CPVL: variants seen among roughly 807,000 people sequenced by gnomAD.
CPVL encodes the protein probable serine carboxypeptidase CPVL.
A neutral mutation model predicts 63.7 loss-of-function variants in CPVL; 51 were observed. The observed-to-expected ratio is 0.80, with a 90% CI of 0.64 to 1.01. The LOEUF (loss-of-function observed/expected upper bound fraction) is 1.01, where lower values mean the gene tolerates loss of function less well. Among genes scored for constraint, CPVL ranks in the 50% least tolerant of loss-of-function variants. CPVL has a pLI of 0.00. For synonymous variants in CPVL, 195 were observed against 206.0 expected, an observed-to-expected ratio of 0.95 and a Z score of 0.46; for missense variants, 530 against 573.1, an observed-to-expected ratio of 0.92 and a Z score of 0.77.
At chr7:29,005,744 A>G (rs929489672) in intron 12 of CPVL, among the ~76,000 whole-genome samples, 3 of 152,154 alleles carry the variant, frequency 2.0e-5, no homozygotes, top group Non-Finnish European at 4.4e-5. Flanking sequence ...AACCCACTTT[A>G]CCACACAGGA....
At chr7:29,082,175 C>T (rs935208839) in intron 7 of CPVL, 5 of 149,386 alleles carry the variant, frequency 3.3e-5, no homozygotes, top group African/African-American at 1.3e-4. Flanking sequence ...GTGGCAGCAG[C>T]GAGAGGGAAA....
intron 1 of CPVL, among the ~76,000 whole-genome samples, chr7:29,142,502 C>T (rs76611793): frequency 0.052 from 7,803 of 150,612 alleles, 257 homozygotes; most frequent in Middle Eastern, 0.11. Context: ...TCTCCTCAAA[C>T]TTCCTCCTTC....
At chr7:29,035,960 T>G (rs1788484965) in intron 11 of CPVL, among the ~76,000 whole-genome samples, 1 of 152,104 alleles carries the variant, frequency 6.6e-6, no homozygotes, top group Non-Finnish European at 1.5e-5. Context: ...GGACACAGAG[T>G]TCATTGATAA....
intron 1 of CPVL, among the ~76,000 whole-genome samples, chr7:29,135,498 A>T (rs944122100): frequency 2.6e-5 from 4 of 151,636 alleles, no homozygotes; most frequent in Non-Finnish European, 4.4e-5. Flanking sequence ...TGCCTAACTA[A>T]TTTTTTTGTA....
intron 12 of CPVL, among the ~76,000 whole-genome samples, chr7:29,018,005 C>T (rs776491308): frequency 3.9e-5 from 6 of 152,072 alleles, no homozygotes; most frequent in Non-Finnish European, 5.9e-5. Flanking sequence ...ACAACCTAGC[C>T]GAGATAATCC....
At chr7:29,119,208 C>G (rs1160199662) in intron 2 of CPVL, among the ~76,000 whole-genome samples, 2 of 152,146 alleles carry the variant, frequency 1.3e-5, no homozygotes, top group African/African-American at 4.8e-5. Flanking sequence ...GATACAGGGC[C>G]GGGGGCAGTG....
At position 29,121,911 on chromosome 7, in the gene CPVL, T is replaced by C. The variant is rs1314433880; in HGVS notation, c.-10-840A>G. Among the ~76,000 whole-genome samples, 5 of 152,186 alleles carry C rather than the reference T, an allele frequency of 3.3e-5. No homozygotes were observed. The East Asian group carries it at 9.6e-4, about 29-fold the overall frequency. ...AACTACCCTTAGGTTCCTCCCCTTA[T>C]TGCTAGCTGATAAGTAAATTAAAGA... is the stretch of plus-strand genomic sequence containing the variant. On this transcript the variant is annotated intron_variant, in intron 1 of 12. Transcript: ENST00000265394.
intron 3 of CPVL, among the ~76,000 whole-genome samples, chr7:29,099,017 A>G (rs1562768755): frequency 6.6e-6 from 1 of 152,156 alleles, no homozygotes; most frequent in Non-Finnish European, 1.5e-5. Context: ...GTGAGCCAAG[A>G]TTGCGCCATT....
At chr7:29,099,509 C>G (rs950037403) in intron 3 of CPVL, among the ~76,000 whole-genome samples, 2 of 152,070 alleles carry the variant, frequency 1.3e-5, no homozygotes, top group African/African-American at 2.4e-5. Context: ...GTCAGGAGTT[C>G]GAGACCAGCC....
chr7:29,159,304 T>C (rs887899375), intron 5 of CPVL, among the ~76,000 whole-genome samples: 5 of 152,176 alleles, frequency 3.3e-5, no homozygotes, highest in African/African-American at 1.2e-4. Context: ...CCACAGCTGG[T>C]TAGAAGCAGA....
rs1005040222 is a variant in CPVL at position 29,071,686 on chromosome 7, T to C, written c.864+87A>G. 11 of 1,469,612 alleles carry C rather than the reference T, an allele frequency of 7.5e-6. No homozygotes were observed. In the Admixed American group the frequency reaches 1.5e-4, roughly 20 times the overall value. 91.0% of individuals were successfully genotyped at this position (1,469,612 alleles called of 1,614,324 possible). A position where few individuals can be genotyped will look rare whatever the true frequency, so the allele number is the denominator to read the frequency against. The stretch of plus-strand genomic sequence containing the variant: ...TATACCTTCTTAACAAAAAAATGCC[T>C]GAGCACCAAGGTGTTCCTGCTCACC... On this transcript the variant is annotated intron_variant, in intron 9 of 12. Transcript: ENST00000265394.
At chr7:29,010,621 A>C (rs1325147856) in intron 12 of CPVL, 1 of 152,170 alleles carries the variant, frequency 6.6e-6, no homozygotes, top group African/African-American at 2.4e-5. Flanking sequence ...TTTCAGGCCT[A>C]TCTGACAGAC....
intron 1 of CPVL, among the ~76,000 whole-genome samples, chr7:29,145,553 T>TTTTTTTTTTTTTTTTTTTGAG (rs1554347055): frequency 6.6e-6 from 1 of 151,154 alleles, no homozygotes; most frequent in African/African-American, 2.4e-5. Flanking sequence ...GCCAGAGTTT[T>TTTTTTTTTTTTTTTTTTTGAG]AAACATTATT....
At chr7:29,077,548 C>A (rs967583103) in intron 7 of CPVL, among the ~76,000 whole-genome samples, 1 of 152,146 alleles carries the variant, frequency 6.6e-6, no homozygotes, top group African/African-American at 2.4e-5. Flanking sequence ...TCATTCTAAG[C>A]TCCCTGCCCT....
chr7:29,138,481 G>C (rs1369974442), intron 1 of CPVL, among the ~76,000 whole-genome samples: 2 of 152,032 alleles, frequency 1.3e-5, no homozygotes, highest in Admixed American at 1.3e-4. Flanking sequence ...AGTAAAACTG[G>C]AAGAAACTTG....
upstream of CPVL, among the ~76,000 whole-genome samples, chr7:29,147,901 T>G (rs1223697904): frequency 1.3e-5 from 2 of 152,172 alleles, no homozygotes; most frequent in Non-Finnish European, 2.9e-5. Context: ...AAGGCCAGAT[T>G]GAAACTTTGG....
chr7:29,030,968 G>C (rs1178226054), intron 11 of CPVL, among the ~76,000 whole-genome samples: 2 of 152,106 alleles, frequency 1.3e-5, no homozygotes, highest in Non-Finnish European at 2.9e-5. Flanking sequence ...CTGCATAAAG[G>C]CCTCTCTTGG....
intron 1 of CPVL, among the ~76,000 whole-genome samples, chr7:29,128,404 G>C (rs161438): frequency 3.3e-5 from 5 of 151,764 alleles, no homozygotes; most frequent in South Asian, 2.1e-4. Flanking sequence ...TGAGTGCTTC[G>C]CTTCATGAGT....
At chr7:29,157,630 ATGT>A (rs1482548448) in intron 5 of CPVL, among the ~76,000 whole-genome samples, 1 of 152,238 alleles carries the variant, frequency 6.6e-6, no homozygotes, top group East Asian at 1.9e-4. Context: ...GATAGGTCAA[ATGT>A]TATTTCTCTC....
Sources: gnomAD v4.1 joint callset for allele counts (sites outside exome capture counted in the v4.1 genomes callset) on GRCh38, gnomAD v4.1.1 for gene constraint, MANE v1.5 for transcripts, NCBI Gene and HGNC (gene_info 2026-07-23, HGNC 2026-07-21) for gene names.